The following DTNA variants were observed in gnomAD, a reference collection of about 807,000 sequenced individuals.
DTNA encodes the protein dystrophin-related protein 3.
Under a neutral mutation model 100.7 loss-of-function variants are expected in DTNA, and 43 were observed. The ratio of observed to expected loss-of-function variants is 0.43; its 90% CI spans 0.33 to 0.55. The LOEUF is 0.55. Ranked by LOEUF, DTNA falls within the 20% of genes least tolerant of loss-of-function variation. DTNA has a pLI of 0.04. For synonymous variants in DTNA, 349 were observed against 347.9 expected, an observed-to-expected ratio of 1.00 and a Z score of -0.04; for missense variants, 798 against 953.9, an observed-to-expected ratio of 0.84 and a Z score of 2.15.
intron 4 of DTNA, among the ~76,000 whole-genome samples, chr18:34,796,100 G>C (rs1167683299): frequency 1.3e-5 from 2 of 152,210 alleles, no homozygotes; most frequent in Non-Finnish European, 2.9e-5. Flanking sequence ...CACTGTAGTA[G>C]ATTTATAAAC....
intron 1 of DTNA, among the ~76,000 whole-genome samples, chr18:34,733,977 C>T (rs1333212056): frequency 6.6e-6 from 1 of 152,218 alleles, no homozygotes; most frequent in Non-Finnish European, 1.5e-5. Flanking sequence ...TATGTTCCTT[C>T]TATCATTATC....
chr18:34,821,229 G>A, intron 9 of DTNA: 1 of 497,492 alleles, frequency 2.0e-6, no homozygotes, highest in Non-Finnish European at 3.8e-6. Context: ...GATCACTGTG[G>A]TAAAAAATGA....
chr18:34,567,301 A>G (rs2047171439), intron 1 of DTNA, among the ~76,000 whole-genome samples: 1 of 152,156 alleles, frequency 6.6e-6, no homozygotes, highest in South Asian at 2.1e-4. Context: ...AAGTATGTTT[A>G]TTTTAAAAAC....
At chr18:34,717,592 A>G in intron 1 of DTNA, among the ~76,000 whole-genome samples, 1 of 152,158 alleles carries the variant, frequency 6.6e-6, no homozygotes, top group South Asian at 2.1e-4. Flanking sequence ...AAAACCTTAT[A>G]TTGAATATAT....
At chr18:34,524,460 C>A (rs2042424158) in intron 1 of DTNA, among the ~76,000 whole-genome samples, 2 of 151,992 alleles carry the variant, frequency 1.3e-5, no homozygotes, top group Non-Finnish European at 2.9e-5. Flanking sequence ...GAGAACCAAT[C>A]AAAAAATCTT....
At chr18:34,583,969 T>C (rs1335348627) in intron 1 of DTNA, among the ~76,000 whole-genome samples, 1 of 150,942 alleles carries the variant, frequency 6.6e-6, no homozygotes, top group Non-Finnish European at 1.5e-5. Context: ...GAGGATGAGA[T>C]ACGATATAGA....
At chr18:34,748,298 G>T (rs2091907857) in intron 1 of DTNA, among the ~76,000 whole-genome samples, 1 of 152,146 alleles carries the variant, frequency 6.6e-6, no homozygotes, top group Non-Finnish European at 1.5e-5. Flanking sequence ...CTGTGCAGAA[G>T]CTTTCTAGTT....
intron 1 of DTNA, among the ~76,000 whole-genome samples, chr18:34,533,624 G>A (rs948431035): frequency 6.6e-6 from 1 of 152,012 alleles, no homozygotes; most frequent in Non-Finnish European, 1.5e-5. Flanking sequence ...TGCAGCGCAT[G>A]TTTTCTGAAA....
At chr18:34,574,121 G>A (rs577297889) in intron 1 of DTNA, 1 of 152,430 alleles carries the variant, frequency 6.6e-6, no homozygotes, top group Non-Finnish European at 1.5e-5. Context: ...CCATCTTTAG[G>A]GGGCCAATGG....
chr18:34,604,025 G>A lies in DTNA; in HGVS notation c.-2+110511G>A, dbSNP rs117081517. Among the ~76,000 whole-genome samples the A allele has an allele frequency of 8.2e-3, 1,251 of 152,234 alleles. 4 individuals are homozygous for A. The highest frequency in any genetic ancestry group is 0.029 in the South Asian group (141 of 4,828). ...AGACTAACAAAAACAAAATGTCCACGTTCCTAAATATGTGTTATAGTTGTG... is the reference window on the plus strand; with the variant it reads ...AGACTAACAAAAACAAAATGTCCACATTCCTAAATATGTGTTATAGTTGTG... On this transcript the variant is annotated intron_variant, in intron 1 of 19. Coordinates refer to the DTNA transcript ENST00000283365.
intron 1 of DTNA, among the ~76,000 whole-genome samples, chr18:34,580,628 A>G (rs1014142179): frequency 6.6e-6 from 1 of 152,178 alleles, no homozygotes; most frequent in Admixed American, 6.5e-5. Flanking sequence ...ATTGCCTCAG[A>G]GATGTCTGCG....
chr18:34,610,746 G>A (rs1025826821), intron 1 of DTNA, among the ~76,000 whole-genome samples: 2 of 152,118 alleles, frequency 1.3e-5, no homozygotes, highest in African/African-American at 4.8e-5. Flanking sequence ...CCTGTAAACT[G>A]TATGACTTCA....
intron 1 of DTNA, among the ~76,000 whole-genome samples, chr18:34,541,581 C>G (rs1456996728): frequency 6.6e-6 from 1 of 152,040 alleles, no homozygotes; most frequent in African/African-American, 2.4e-5. Flanking sequence ...TGAGGCCTCC[C>G]CAGCCATGTG....
At chr18:34,726,063 A>C (rs983572382) in intron 1 of DTNA, among the ~76,000 whole-genome samples, 3 of 152,156 alleles carry the variant, frequency 2.0e-5, no homozygotes, top group Admixed American at 6.5e-5. Context: ...ACACATGGAC[A>C]CAGGGAGGGA....
intron 22 of DTNA, among the ~76,000 whole-genome samples, 169 bp from the exon 23 acceptor site, chr18:34,887,597 G>A (rs1325472293): frequency 6.6e-6 from 1 of 152,142 alleles, no homozygotes; most frequent in African/African-American, 2.4e-5. Flanking sequence ...CAGTGTCCTA[G>A]GACTTTCATT....
At chr18:34,817,559 C>T (rs879344966) in intron 7 of DTNA, among the ~76,000 whole-genome samples, 9 of 151,148 alleles carry the variant, frequency 6.0e-5, no homozygotes, top group Non-Finnish European at 8.9e-5. Flanking sequence ...TTTTTAGGGC[C>T]CTATACACCT....
intron 1 of DTNA, among the ~76,000 whole-genome samples, chr18:34,534,459 AGG>A (rs537165944): frequency 6.6e-6 from 1 of 152,080 alleles, no homozygotes; most frequent in Non-Finnish European, 1.5e-5. Flanking sequence ...GCAGACAGAC[AGG>A]GCATCAAGCA....
intron 1 of DTNA, among the ~76,000 whole-genome samples, chr18:34,568,533 A>C (rs1418607931): frequency 6.6e-6 from 1 of 152,010 alleles, no homozygotes; most frequent in African/African-American, 2.4e-5. Context: ...TTACTTTCCT[A>C]CAGTTTCCTC....
chr18:34,890,120 A>G lies in DTNA; in HGVS notation c.*2386A>G. 7.1e-7 allele frequency: 1 copy of G among 1,403,066 alleles called. No homozygotes were observed. The highest frequency in any genetic ancestry group is 9.2e-7 in the Non-Finnish European group (1 of 1,083,544). The allele number at this position is 1,403,066 out of a possible 1,614,324, so 86.9% of individuals were successfully genotyped here. A position where few individuals can be genotyped will look rare whatever the true frequency, so the allele number is the denominator to read the frequency against. ...TGTTTCTTTGTGTTTCTACATCAAA[A>G]TGTTCGTCTAAGATTTGAACTGTTC... On this transcript the variant is annotated 3_prime_UTR_variant, in exon 23 of 23. Coordinates refer to ENST00000444659, the MANE Select transcript of DTNA (RefSeq NM_001386795.1).
Sources: allele counts gnomAD v4.1 joint callset (sites outside exome capture counted in the v4.1 genomes callset), GRCh38; gene constraint gnomAD v4.1.1; transcripts MANE v1.5; gene names NCBI Gene and HGNC (gene_info 2026-07-23, HGNC 2026-07-21).